DGKB: variants seen among roughly 807,000 people sequenced by gnomAD.
The protein encoded by DGKB is 90 kDa diacylglycerol kinase.
A neutral mutation model predicts 114.3 loss-of-function variants in DGKB; 67 were observed. The ratio of observed to expected loss-of-function variants is 0.59; its 90% confidence interval spans 0.48 to 0.72. The LOEUF is 0.72. Ranked by LOEUF, DGKB falls within the 30% of genes least tolerant of loss-of-function variation. DGKB has a pLI of 0.00. For synonymous variants in DGKB, 398 were observed against 323.1 expected, an observed-to-expected ratio of 1.23 and a Z score of -2.49; for missense variants, 907 against 975.2, an observed-to-expected ratio of 0.93 and a Z score of 0.93.
intron 2 of DGKB, among the ~76,000 whole-genome samples, chr7:14,784,106 T>C (rs17168428): frequency 0.22 from 33,359 of 152,018 alleles, 4,170 homozygotes; most frequent in East Asian, 0.37. Context: ...ATTGTGATTC[T>C]TGCATTCTTG....
chr7:14,223,937 GT>G (rs1041845729), intron 23 of DGKB, among the ~76,000 whole-genome samples: 13 of 151,152 alleles, frequency 8.6e-5, no homozygotes, highest in Non-Finnish European at 1.8e-4. Flanking sequence ...TTTTTTCCAG[GT>G]CTTTTTCCAG....
chr7:14,476,368 T>C (rs1170056153), intron 21 of DGKB, among the ~76,000 whole-genome samples: 3 of 152,112 alleles, frequency 2.0e-5, no homozygotes, highest in Non-Finnish European at 2.9e-5. Flanking sequence ...TGAAACTAAA[T>C]CTTGTAAAAT....
At chr7:14,170,153 GAAAGAAAGAA>G (rs1354023329) in intron 25 of DGKB, among the ~76,000 whole-genome samples, 1,015 of 47,552 alleles carry the variant, frequency 0.021, 61 homozygotes, top group African/African-American at 0.16. Flanking sequence ...AAAAAAGAAA[GAAAGAAAGAA>G]AGAAAGAAAG....
intron 1 of DGKB, among the ~76,000 whole-genome samples, chr7:14,909,727 C>T (rs1463832072): frequency 2.6e-5 from 4 of 152,036 alleles, no homozygotes; most frequent in African/African-American, 7.2e-5. Flanking sequence ...AATTCAGAAA[C>T]CATATTTGTC....
intron 23 of DGKB, among the ~76,000 whole-genome samples, chr7:14,274,418 T>C (rs972681130): frequency 8.5e-5 from 13 of 152,158 alleles, no homozygotes; most frequent in African/African-American, 2.9e-4. Context: ...TGAATCCTAG[T>C]TACCCCAAAC....
rs766846005 is a variant in DGKB, at chr7:14,338,640, A to G, written c.1997T>C (p.Met666Thr). Residue 666 changes from methionine to threonine, a missense_variant, in exon 23 of 26, where the codon ATG (methionine) becomes ACG (threonine). Around this residue, in one of 3 missense-constraint regions of DGKB, gnomAD observed 814 missense variants for 856.6 expected, o/e 0.95. Transcript: ENST00000402815. Reference sequence around the variant, plus strand: ...TCCCCAAAGATTGGATCCTCCATGCATGCTTGGTATATTCAAAATAGCAAT... The same window carrying G: ...TCCCCAAAGATTGGATCCTCCATGCGTGCTTGGTATATTCAAAATAGCAAT... Reference protein sequence around the residue: ...EGIAILNIPSMHGGSNLWGES... With the variant: ...EGIAILNIPSTHGGSNLWGES... 6.2e-7 allele frequency: 1 copy of G among 1,607,200 alleles called. No individual in the cohort carries two copies. Among genetic ancestry groups the G allele is most frequent in the Non-Finnish European group, 8.5e-7 (1 of 1,176,028 alleles).
chr7:14,431,746 G>C (rs1353579265), intron 21 of DGKB, among the ~76,000 whole-genome samples: 2 of 151,898 alleles, frequency 1.3e-5, no homozygotes, highest in African/African-American at 4.8e-5. Context: ...TTTTATCTAT[G>C]TTATTATAGA....
At chr7:14,256,521 GAA>G (rs1795996793) in intron 23 of DGKB, among the ~76,000 whole-genome samples, 1 of 151,588 alleles carries the variant, frequency 6.6e-6, no homozygotes, top group African/African-American at 2.4e-5. Context: ...ATGAATACTT[GAA>G]GTGCTATTTT....
At chr7:14,239,736 C>A (rs976310567) in intron 23 of DGKB, among the ~76,000 whole-genome samples, 3 of 151,954 alleles carry the variant, frequency 2.0e-5, no homozygotes, top group African/African-American at 7.2e-5. Context: ...TATAAAGTTG[C>A]TCCAGACTTC....
chr7:14,586,422 T>G (rs4537212), intron 17 of DGKB, among the ~76,000 whole-genome samples: 8 of 151,830 alleles, frequency 5.3e-5, no homozygotes, highest in Admixed American at 5.3e-4. Flanking sequence ...ATGTTGGTTC[T>G]TGAAGCTTAA....
At chr7:14,194,090 C>T (rs185948690) in intron 23 of DGKB, among the ~76,000 whole-genome samples, 1 of 152,252 alleles carries the variant, frequency 6.6e-6, no homozygotes, top group Admixed American at 6.5e-5. Context: ...CACTTATATG[C>T]TGTTGGTAGC....
intron 23 of DGKB, among the ~76,000 whole-genome samples, chr7:14,225,012 G>T (rs562512727): frequency 6.6e-6 from 1 of 152,068 alleles, no homozygotes; most frequent in Admixed American, 6.6e-5. Context: ...GCCTCTATTC[G>T]TGGTTCACTC....
intron 20 of DGKB, among the ~76,000 whole-genome samples, chr7:14,547,432 G>A (rs1242648064): frequency 1.3e-5 from 2 of 152,084 alleles, no homozygotes; most frequent in Non-Finnish European, 2.9e-5. Flanking sequence ...AAGATGAATT[G>A]TTAATCATTA....
intron 17 of DGKB, among the ~76,000 whole-genome samples, chr7:14,586,036 G>A (rs752594641): frequency 2.0e-5 from 3 of 152,050 alleles, no homozygotes; most frequent in Non-Finnish European, 4.4e-5. Flanking sequence ...TGTCCTCTAA[G>A]TGTTCAAGTG....
intron 20 of DGKB, among the ~76,000 whole-genome samples, chr7:14,513,764 TA>T (rs1271553422): frequency 3.9e-5 from 6 of 152,028 alleles, no homozygotes; most frequent in African/African-American, 1.4e-4. Flanking sequence ...GGATGTAGAA[TA>T]ATGTTTAGTT....
intron 2 of DGKB, among the ~76,000 whole-genome samples, chr7:14,820,244 T>C (rs574801297): frequency 6.6e-6 from 1 of 152,186 alleles, no homozygotes; most frequent in Non-Finnish European, 1.5e-5. Context: ...TTTAAATTCA[T>C]GTTTTTTAAA....
chr7:14,397,251 G>T (rs777147877), intron 21 of DGKB, among the ~76,000 whole-genome samples: 5 of 152,090 alleles, frequency 3.3e-5, no homozygotes, highest in Non-Finnish European at 5.9e-5. Context: ...ACTAGTACAA[G>T]ACCGGGCAGG....
At chr7:14,686,418 A>T (rs961596857) in intron 9 of DGKB, among the ~76,000 whole-genome samples, 4 of 152,186 alleles carry the variant, frequency 2.6e-5, no homozygotes, top group African/African-American at 9.7e-5. Context: ...AATTATATCA[A>T]ACAGATTAAC....
intron 21 of DGKB, among the ~76,000 whole-genome samples, chr7:14,408,265 G>A (rs570992161): frequency 1.8e-4 from 27 of 152,112 alleles, no homozygotes; most frequent in African/African-American, 6.3e-4. Context: ...CCTAGGTGTT[G>A]GAGGCAGGAA....
Sources: allele counts gnomAD v4.1 joint callset (sites outside exome capture counted in the v4.1 genomes callset), GRCh38; gene constraint gnomAD v4.1.1; regional missense constraint gnomAD v4.1.1; transcripts MANE v1.5; gene names NCBI Gene and HGNC (gene_info 2026-07-23, HGNC 2026-07-21).